The following PRKN variants were observed in gnomAD, a reference collection of about 807,000 sequenced individuals.
PRKN encodes E3 ubiquitin-protein ligase parkin.
Under a neutral mutation model 59.5 loss-of-function variants are expected in PRKN, and 56 were observed. The ratio of observed to expected loss-of-function variants is 0.94; its 90% CI spans 0.76 to 1.18. PRKN has a LOEUF of 1.18. Ranked by LOEUF, PRKN falls within the 50% of genes most tolerant of loss-of-function variation. PRKN has a pLI of 0.00. For missense variants in PRKN, 657 were observed against 596.4 expected (o/e 1.10, Z -1.06); for synonymous variants, 250 against 222.1 (o/e 1.13, Z -1.12).
At chr6:161,864,351 C>G (rs1794026985) in intron 6 of PRKN, among the ~76,000 whole-genome samples, 1 of 152,164 alleles carries the variant, frequency 6.6e-6, no homozygotes. Context: ...TTTCTTTGTT[C>G]ACCCATAAGA....
At chr6:161,375,629 C>T (rs571666109) in intron 10 of PRKN, among the ~76,000 whole-genome samples, 5 of 152,322 alleles carry the variant, frequency 3.3e-5, no homozygotes, top group South Asian at 2.1e-4. Context: ...GACGAAAAGG[C>T]TGTGAGCCTT....
chr6:162,612,059 G>A lies in PRKN; in HGVS notation c.7+115603C>T, dbSNP rs911448021. On this transcript the variant is annotated intron_variant, in intron 1 of 11. Transcript: ENST00000366898. ...AAAAAAAAAATTAGCTGGGCGTGGT[G>A]GCGGGCGCCTGTAGTCCCAGCTACT... 1.1e-4 allele frequency among the ~76,000 whole-genome samples: 16 copies of A among 151,232 alleles called. 1 individual carries two copies. The highest frequency in any genetic ancestry group is 3.4e-3 in the Middle Eastern group (1 of 290).
intron 4 of PRKN, among the ~76,000 whole-genome samples, chr6:162,079,955 C>T (rs909959681): frequency 6.6e-6 from 1 of 152,034 alleles, no homozygotes; most frequent in Admixed American, 6.6e-5. Context: ...GTGCTATTGC[C>T]TACTACAAGC....
intron 7 of PRKN, among the ~76,000 whole-genome samples, chr6:161,574,720 T>C (rs1393557647): frequency 6.6e-6 from 1 of 152,254 alleles, no homozygotes; most frequent in Non-Finnish European, 1.5e-5. Flanking sequence ...TGTTTGGACA[T>C]CTATTGGCAT....
At chr6:161,839,188 A>G (rs1039576518) in intron 6 of PRKN, among the ~76,000 whole-genome samples, 3 of 152,180 alleles carry the variant, frequency 2.0e-5, no homozygotes, top group Admixed American at 2.0e-4. Flanking sequence ...TGCCTCCCAC[A>G]GTGAGAAAGA....
intron 3 of PRKN, among the ~76,000 whole-genome samples, chr6:162,202,440 G>C (rs1784770072): frequency 6.6e-6 from 1 of 152,004 alleles, no homozygotes; most frequent in Admixed American, 6.6e-5. Flanking sequence ...AAGATGTAAA[G>C]TTTCATGGTT....
intron 4 of PRKN, among the ~76,000 whole-genome samples, chr6:162,163,667 A>G (rs1782855113): frequency 6.7e-6 from 1 of 149,390 alleles, no homozygotes; most frequent in East Asian, 1.9e-4. Context: ...AACACATTGC[A>G]CTGCCCTGAG....
chr6:162,400,371 GGACA>G, intron 2 of PRKN, among the ~76,000 whole-genome samples: 1 of 149,690 alleles, frequency 6.7e-6, no homozygotes. Flanking sequence ...AGAATCTTCT[GGACA>G]GCCAAGCAGA....
In PRKN at chr6:162,590,023, T is replaced by A. The variant is rs1432775736; in HGVS notation, c.7+137639A>T. 3.9e-5 allele frequency among the ~76,000 whole-genome samples: 6 copies of A among 152,198 alleles called. No homozygotes were observed. The South Asian group carries it at 8.3e-4, about 21-fold the overall frequency. ...AATAATTTGTGAATGAGACACCAAG[T>A]AAATGTATTAGTCACTTTCTGACTT... On this transcript the variant is annotated intron_variant, in intron 1 of 11. Transcript: ENST00000366898.
At chr6:161,490,657 C>T (rs965572320) in intron 9 of PRKN, among the ~76,000 whole-genome samples, 3 of 152,222 alleles carry the variant, frequency 2.0e-5, no homozygotes, top group Admixed American at 2.0e-4. Flanking sequence ...TCCCAAAGTG[C>T]TGGGATTACA....
intron 7 of PRKN, among the ~76,000 whole-genome samples, chr6:161,782,378 A>G (rs1204097027): frequency 6.6e-6 from 1 of 152,166 alleles, no homozygotes; most frequent in African/African-American, 2.4e-5. Flanking sequence ...GATATCATCT[A>G]TAGTATGTTT....
At chr6:161,640,338 G>A (rs545087322) in intron 7 of PRKN, among the ~76,000 whole-genome samples, 16 of 152,176 alleles carry the variant, frequency 1.1e-4, no homozygotes, top group African/African-American at 3.6e-4. Flanking sequence ...CAGATAAAGT[G>A]AAAATTCCAA....
chr6:161,832,928 A>T (rs1040437894), intron 6 of PRKN, among the ~76,000 whole-genome samples: 1 of 151,940 alleles, frequency 6.6e-6, no homozygotes, highest in African/African-American at 2.4e-5. Flanking sequence ...TGTCTGGCTG[A>T]GGGTGGGAGG....
chr6:162,353,660 T>C (rs1382495793), intron 2 of PRKN, among the ~76,000 whole-genome samples: 1 of 152,146 alleles, frequency 6.6e-6, no homozygotes, highest in Non-Finnish European at 1.5e-5. Flanking sequence ...ACATAGTTCC[T>C]GGAATTTTTG....
At chr6:161,658,789 G>C (rs917201930) in intron 7 of PRKN, among the ~76,000 whole-genome samples, 1 of 152,206 alleles carries the variant, frequency 6.6e-6, no homozygotes, top group Non-Finnish European at 1.5e-5. Flanking sequence ...AATAGAAGAA[G>C]TAAATATTCA....
chr6:161,846,245 G>A (rs1041296645), intron 6 of PRKN, among the ~76,000 whole-genome samples: 1 of 151,912 alleles, frequency 6.6e-6, no homozygotes, highest in Non-Finnish European at 1.5e-5. Flanking sequence ...CCTTTCATTC[G>A]AGCGACCAAG....
rs999649635 is a variant in PRKN, at chr6:161,533,650, C to G, written c.1083+15204G>C. ...ACCAATCTGTGAGCCCTACGTAAAT[C>G]AGACACTGCCTCCTCAAGCCTGCCT... On this transcript the variant is annotated intron_variant, in intron 9 of 11. Transcript: ENST00000366898. The surrounding 1 kb of genome is among the most constrained non-coding windows in gnomAD (Gnocchi z 4.1). Among the ~76,000 whole-genome samples the G allele has an allele frequency of 4.6e-5, 7 of 152,118 alleles. No individual in the cohort carries two copies. Among genetic ancestry groups the G allele is most frequent in the Admixed American group, 6.6e-5 (1 of 15,228 alleles).
At chr6:161,614,585 T>C (rs541146190) in intron 7 of PRKN, among the ~76,000 whole-genome samples, 15 of 152,370 alleles carry the variant, frequency 9.8e-5, no homozygotes, top group African/African-American at 2.9e-4. Context: ...TCAATATTTC[T>C]GGTATAGTAG....
At chr6:161,586,920 A>G (rs902016653) in intron 7 of PRKN, among the ~76,000 whole-genome samples, 1 of 152,208 alleles carries the variant, frequency 6.6e-6, no homozygotes, top group Non-Finnish European at 1.5e-5. Context: ...TCTAGACACT[A>G]GCAAGCTACA....
Sources: allele counts gnomAD v4.1 joint callset (sites outside exome capture counted in the v4.1 genomes callset), GRCh38; gene constraint gnomAD v4.1.1; non-coding constraint Gnocchi (gnomAD v3.1); transcripts MANE v1.5; gene names NCBI Gene and HGNC (gene_info 2026-07-23, HGNC 2026-07-21).